Variants in AUTS2 observed in about 807,000 individuals in gnomAD.
AUTS2 encodes autism susceptibility gene 2 protein.
In AUTS2, 17 loss-of-function variants were observed where a neutral mutation model predicts 112.4. The ratio of observed to expected loss-of-function variants is 0.15; its 90% CI spans 0.10 to 0.23. The LOEUF is 0.23. AUTS2 is among the 10% of genes least tolerant of loss of function. The pLI, the probability that AUTS2 is intolerant of heterozygous loss-of-function variation, is 1.00. For missense variants in AUTS2, 1,510 were observed against 1,701.6 expected, an observed-to-expected ratio of 0.89 and a Z score of 1.98; for synonymous variants, 751 against 702.7, an observed-to-expected ratio of 1.07 and a Z score of -1.09.
At chr7:70,052,630 A>G (rs945026239) in intron 2 of AUTS2, among the ~76,000 whole-genome samples, 2 of 152,206 alleles carry the variant, frequency 1.3e-5, no homozygotes, top group Non-Finnish European at 2.9e-5. Context: ...CTACTCATAA[A>G]GTTGGTTAAT....
At chr7:70,725,237 G>A (rs2141205) in intron 6 of AUTS2, among the ~76,000 whole-genome samples, 1 of 151,982 alleles carries the variant, frequency 6.6e-6, no homozygotes, top group African/African-American at 2.4e-5. Context: ...TCGGGTAAAT[G>A]TCGGAAGTGA....
At chr7:69,746,766 G>A (rs943426690) in intron 1 of AUTS2, among the ~76,000 whole-genome samples, 10 of 152,126 alleles carry the variant, frequency 6.6e-5, no homozygotes, top group African/African-American at 2.4e-4. Flanking sequence ...TTTGGCCTGT[G>A]CTCTGAATGA....
chr7:70,773,930 G>A, intron 11 of AUTS2, 98 bp from the exon 12 acceptor site: 1 of 1,112,840 alleles, frequency 9.0e-7, no homozygotes, highest in Non-Finnish European at 1.4e-6. Context: ...ACAAACAAAT[G>A]AAGTTTGGCT....
At chr7:70,082,046 A>T (rs138540585) in intron 2 of AUTS2, among the ~76,000 whole-genome samples, 1 of 150,928 alleles carries the variant, frequency 6.6e-6, no homozygotes, top group Non-Finnish European at 1.5e-5. Context: ...AATTTAGCTC[A>T]TCTGGTTCTG....
intron 1 of AUTS2, among the ~76,000 whole-genome samples, chr7:69,747,770 G>C (rs79562694): frequency 2.5e-5 from 3 of 120,702 alleles, no homozygotes; most frequent in East Asian, 2.5e-4. Context: ...GTGACAGACA[G>C]AGAGAAGGAG....
intron 1 of AUTS2, among the ~76,000 whole-genome samples, chr7:69,665,249 TG>T (rs1311187310): frequency 6.6e-6 from 1 of 152,168 alleles, no homozygotes; most frequent in East Asian, 1.9e-4. Flanking sequence ...TCTGTGGATT[TG>T]GGTCATGGTG....
intron 4 of AUTS2, among the ~76,000 whole-genome samples, chr7:70,411,101 G>A (rs925349536): frequency 7.9e-5 from 12 of 152,104 alleles, no homozygotes; most frequent in African/African-American, 2.7e-4. Flanking sequence ...CTGACCTCAG[G>A]TGATCCGCCC....
chr7:69,955,637 A>G (rs1201180498), intron 2 of AUTS2, among the ~76,000 whole-genome samples: 1 of 152,114 alleles, frequency 6.6e-6, no homozygotes, highest in Admixed American at 6.6e-5. Context: ...TTTATATAGC[A>G]TTTTCAATTA....
intron 1 of AUTS2, among the ~76,000 whole-genome samples, chr7:69,675,069 C>A (rs1382244209): frequency 6.6e-6 from 1 of 152,168 alleles, no homozygotes; most frequent in Admixed American, 6.5e-5. Flanking sequence ...ACAGTTTACC[C>A]TTGATAGTGC....
chr7:69,727,862 AAGGT>A (rs1246824400), intron 1 of AUTS2, among the ~76,000 whole-genome samples: 1 of 152,166 alleles, frequency 6.6e-6, no homozygotes, highest in Non-Finnish European at 1.5e-5. Flanking sequence ...CTTAAAAAGA[AAGGT>A]AGCTAGGGTA....
intron 4 of AUTS2, chr7:70,316,777 A>G (rs1273349965): frequency 6.6e-6 from 1 of 152,138 alleles, no homozygotes; most frequent in African/African-American, 2.4e-5. Flanking sequence ...TCTTCAGGAA[A>G]TATAGTGCAA....
At chr7:70,710,338 G>A (rs766497529) in intron 6 of AUTS2, among the ~76,000 whole-genome samples, 2 of 152,086 alleles carry the variant, frequency 1.3e-5, no homozygotes, top group Non-Finnish European at 2.9e-5. Context: ...TTACCACCAC[G>A]AATTGAAATG....
intron 1 of AUTS2, among the ~76,000 whole-genome samples, chr7:69,639,723 G>A (rs1157285717): frequency 6.6e-6 from 1 of 152,182 alleles, no homozygotes; most frequent in East Asian, 1.9e-4. Flanking sequence ...TCTGAGGGTG[G>A]GTTTGGATAT....
chr7:70,262,253 G>A (rs1489491294), intron 4 of AUTS2, among the ~76,000 whole-genome samples: 5 of 151,932 alleles, frequency 3.3e-5, no homozygotes, highest in African/African-American at 4.8e-5. Context: ...GCAGTGGTGC[G>A]ATCTTGGCTC....
intron 4 of AUTS2, among the ~76,000 whole-genome samples, chr7:70,301,131 A>T: frequency 6.6e-6 from 1 of 152,206 alleles, no homozygotes; most frequent in East Asian, 1.9e-4. Flanking sequence ...GAGGTTTCCT[A>T]TAAGTTCTGT....
chr7:70,173,859 C>T (rs978998471), intron 4 of AUTS2, among the ~76,000 whole-genome samples: 1 of 152,078 alleles, frequency 6.6e-6, no homozygotes, highest in African/African-American at 2.4e-5. Context: ...GTTTCACCAA[C>T]CTGCCTTTCC....
chr7:70,754,117 C>CGCCGCTGCACTCCAGCCCA (rs1789036775), intron 6 of AUTS2, among the ~76,000 whole-genome samples: 1 of 152,062 alleles, frequency 6.6e-6, no homozygotes, highest in South Asian at 2.1e-4. Flanking sequence ...GCCGAGATCG[C>CGCCGCTGCACTCCAGCCCA]GCCGCTGCAC....
intron 4 of AUTS2, among the ~76,000 whole-genome samples, chr7:70,352,310 T>G (rs1791806026): frequency 6.6e-6 from 1 of 152,218 alleles, no homozygotes; most frequent in Non-Finnish European, 1.5e-5. Flanking sequence ...GCTCTTACAG[T>G]GTCAGCCAGA....
intron 4 of AUTS2, among the ~76,000 whole-genome samples, chr7:70,350,808 G>C (rs1302095599): frequency 1.3e-5 from 2 of 152,022 alleles, no homozygotes; most frequent in Admixed American, 1.3e-4. Context: ...GAGTCCTCCT[G>C]CCCTACATTA....
Sources: allele counts gnomAD v4.1 joint callset (sites outside exome capture counted in the v4.1 genomes callset), GRCh38; gene constraint gnomAD v4.1.1; transcripts MANE v1.5; gene names NCBI Gene and HGNC (gene_info 2026-07-23, HGNC 2026-07-21).